The following DGLUCY variants were observed in gnomAD, a reference collection of about 807,000 sequenced individuals.
DGLUCY encodes D-glutamate cyclase, mitochondrial.
In DGLUCY, 58 loss-of-function variants were observed where a neutral mutation model predicts 58.5. The ratio of observed to expected loss-of-function variants is 0.99; its 90% CI spans 0.80 to 1.23. The LOEUF (loss-of-function observed/expected upper bound fraction) is 1.23. Ranked by LOEUF, DGLUCY falls within the 50% of genes most tolerant of loss-of-function variation. The pLI is 0.00. For synonymous variants in DGLUCY, 325 were observed against 314.1 expected (o/e 1.03, Z -0.37); for missense variants, 779 against 784.7 (o/e 0.99, Z 0.09).
At chr14:91,102,736 A>AGTGTGTGTGTGTGTGTGTGT (rs1288611586) in intron 1 of DGLUCY, among the ~76,000 whole-genome samples, 24 of 60,806 alleles carry the variant, frequency 3.9e-4, no homozygotes, top group African/African-American at 1.1e-3. Context: ...GACCCCTTCC[A>AGTGTGTGTGTGTGTGTGTGT]GTGTGTATGT....
chr14:91,073,175 G>A (rs1445644667), intron 1 of DGLUCY, among the ~76,000 whole-genome samples: 1 of 152,170 alleles, frequency 6.6e-6, no homozygotes, highest in Non-Finnish European at 1.5e-5. Flanking sequence ...CAGGCCAGGT[G>A]CAGTGGTTCA....
intron 13 of DGLUCY, among the ~76,000 whole-genome samples, chr14:91,217,651 A>AT (rs577500781): frequency 1.7e-4 from 26 of 151,312 alleles, no homozygotes; most frequent in South Asian, 1.3e-3. Context: ...TGCCCAGCTA[A>AT]TTTTTTTTGT....
chr14:91,173,852 G>GA (rs1196579277), intron 6 of DGLUCY: 1 of 151,634 alleles, frequency 6.6e-6, no homozygotes, highest in African/African-American at 2.4e-5. Flanking sequence ...ACATACATAG[G>GA]AAAAAATATA....
At chr14:91,136,604 AATCT>A (rs201129959) in intron 1 of DGLUCY, among the ~76,000 whole-genome samples, 6,938 of 151,970 alleles carry the variant, frequency 0.046, 179 homozygotes, top group Middle Eastern at 0.082. Context: ...GAATTGCTTG[AATCT>A]GGGAGGAAGC....
At chr14:91,073,767 TAC>T (rs2043962038) in intron 1 of DGLUCY, among the ~76,000 whole-genome samples, 1 of 152,066 alleles carries the variant, frequency 6.6e-6, no homozygotes, top group South Asian at 2.1e-4. Flanking sequence ...ACCTCAGCCC[TAC>T]ACCTTCAAGA....
chr14:91,105,607 C>A (rs1480651091), upstream of DGLUCY, among the ~76,000 whole-genome samples: 1 of 152,030 alleles, frequency 6.6e-6, no homozygotes, highest in African/African-American at 2.4e-5. Context: ...TAATAGGTGC[C>A]CAATTATTAA....
intron 5 of DGLUCY, among the ~76,000 whole-genome samples, chr14:91,171,713 G>C (rs2048582503): frequency 6.6e-6 from 1 of 152,220 alleles, no homozygotes; most frequent in South Asian, 2.1e-4. Flanking sequence ...TCTTTCATAA[G>C]CTCTATTGCA....
chr14:91,203,780 G>A (rs1291084578), intron 11 of DGLUCY, among the ~76,000 whole-genome samples: 3 of 151,594 alleles, frequency 2.0e-5, no homozygotes, highest in Non-Finnish European at 4.4e-5. Context: ...AGTTTCAAGT[G>A]ATTCTCCTGG....
intron 1 of DGLUCY, among the ~76,000 whole-genome samples, chr14:91,130,257 T>A (rs1352896284): frequency 6.6e-6 from 1 of 152,150 alleles, no homozygotes; most frequent in Non-Finnish European, 1.5e-5. Flanking sequence ...ATTATAGTTA[T>A]AATTTGCATG....
chr14:91,183,951 G>T (rs1038498669), intron 8 of DGLUCY, among the ~76,000 whole-genome samples: 1 of 152,036 alleles, frequency 6.6e-6, no homozygotes, highest in Non-Finnish European at 1.5e-5. Flanking sequence ...GGTACAAACC[G>T]CCCTTGGCAC....
intron 13 of DGLUCY, among the ~76,000 whole-genome samples, chr14:91,219,179 CA>C (rs56023008): frequency 1.2e-4 from 17 of 137,008 alleles, no homozygotes; most frequent in South Asian, 2.4e-4. Context: ...GGCTCTGTCT[CA>C]AAAAAAAAAG....
rs1298069985 is a variant in DGLUCY at position 91,179,765 on chromosome 14, T to A, written c.731-1421T>A. On this transcript the variant is annotated intron_variant, in intron 7 of 13. Transcript: ENST00000256324. ...GGTTCCGTCTCCAAAAAAAAAAAAA[T>A]ATATGCTTGTTCAATTAAGCAAACC... is the stretch of plus-strand genomic sequence containing the variant. 6.0e-5 allele frequency among the ~76,000 whole-genome samples: 9 copies of A among 149,538 alleles called. No individual in the cohort carries two copies. In the East Asian group the frequency reaches 1.8e-3, roughly 29 times the overall value.
At chr14:91,079,175 A>G (rs2044081854) in intron 1 of DGLUCY, among the ~76,000 whole-genome samples, 1 of 151,958 alleles carries the variant, frequency 6.6e-6, no homozygotes, top group South Asian at 2.1e-4. Context: ...AAGTGCAGGG[A>G]TTACAGGCAC....
chr14:91,135,668 A>AAAC (rs1555395332), intron 1 of DGLUCY, among the ~76,000 whole-genome samples: 1 of 150,844 alleles, frequency 6.6e-6, no homozygotes, highest in African/African-American at 2.4e-5. Flanking sequence ...AAAAAAAAAA[A>AAAC]AAAAAACAAG....
chr14:91,107,809 T>TGAG (rs976218548), upstream of DGLUCY, among the ~76,000 whole-genome samples: 10 of 151,410 alleles, frequency 6.6e-5, no homozygotes, highest in African/African-American at 2.4e-4. Context: ...TCCAGAGGGA[T>TGAG]GAGGAGCTGG....
chr14:91,140,965 G>A (rs1185691281), intron 1 of DGLUCY, among the ~76,000 whole-genome samples: 1 of 152,164 alleles, frequency 6.6e-6, no homozygotes. Context: ...AGGTCTGATT[G>A]CTGACCTGTA....
chr14:91,165,659 C>G (rs1041523738), intron 3 of DGLUCY, among the ~76,000 whole-genome samples: 1 of 152,188 alleles, frequency 6.6e-6, no homozygotes, highest in Non-Finnish European at 1.5e-5. Flanking sequence ...CTAGACAATG[C>G]AAATTAGAAC....
At chr14:91,175,437 C>T (rs1244776173) in intron 6 of DGLUCY, among the ~76,000 whole-genome samples, 1 of 152,162 alleles carries the variant, frequency 6.6e-6, no homozygotes, top group Non-Finnish European at 1.5e-5. Flanking sequence ...AGCTTCATCA[C>T]ATGAGGATGA....
chr14:91,205,179 A>G (rs1257915511), intron 12 of DGLUCY, among the ~76,000 whole-genome samples: 1 of 152,218 alleles, frequency 6.6e-6, no homozygotes, highest in Admixed American at 6.5e-5. Context: ...AGAGAGGGTG[A>G]TGGGAGGGCC....
Sources: gnomAD v4.1 joint callset for allele counts (sites outside exome capture counted in the v4.1 genomes callset) on GRCh38, gnomAD v4.1.1 for gene constraint, MANE v1.5 for transcripts, NCBI Gene and HGNC (gene_info 2026-07-23, HGNC 2026-07-21) for gene names.